The following LHX8 variants were observed in gnomAD, a reference collection of about 807,000 sequenced individuals.
LHX8 encodes the protein LIM/homeobox protein Lhx8.
A neutral mutation model predicts 40.3 loss-of-function variants in LHX8; 12 were observed. The observed-to-expected ratio is 0.30, with a 90% CI of 0.19 to 0.48. The LOEUF (loss-of-function observed/expected upper bound fraction) is 0.48. Among genes scored for constraint, LHX8 ranks in the 20% least tolerant of loss-of-function variants. LHX8 has a pLI of 0.99. For synonymous variants in LHX8, 179 were observed against 162.0 expected (o/e 1.10, Z -0.80); for missense variants, 344 against 433.7 (o/e 0.79, Z 1.84).
At chr1:75,176,358 A>G in the LHX8 span, among the ~76,000 whole-genome samples, 1 of 152,060 alleles carries the variant, frequency 6.6e-6, no homozygotes, top group Non-Finnish European at 1.5e-5. Context: ...TTTAATGATC[A>G]CTATTCTAAT....
At chr1:75,174,314 G>A in the LHX8 span, among the ~76,000 whole-genome samples, 3 of 152,234 alleles carry the variant, frequency 2.0e-5, no homozygotes, top group Non-Finnish European at 4.4e-5. Flanking sequence ...GGGCTTTGGT[G>A]ATATTAGGCC....
chr1:75,136,786 TG>T, intron 2 of LHX8, 97 bp downstream of exon 2: 1 of 628,794 alleles, frequency 1.6e-6, no homozygotes, highest in South Asian at 1.6e-5. Flanking sequence ...AGGGCCCAGC[TG>T]GCCCCTCCTG....
At chr1:75,199,412 T>C in the LHX8 span, among the ~76,000 whole-genome samples, 1 of 152,204 alleles carries the variant, frequency 6.6e-6, no homozygotes, top group African/African-American at 2.4e-5. Context: ...CCACGTTAAT[T>C]TGTAAGTACA....
At chr1:75,131,450 C>A (rs910560779), upstream of LHX8, 17 of 153,440 alleles carry the variant, frequency 1.1e-4, no homozygotes, top group African/African-American at 4.1e-4. Context: ...TCTGTCAATG[C>A]AGGCTTAATT....
At chr1:75,157,422 G>A (rs1400323392) in intron 8 of LHX8, among the ~76,000 whole-genome samples, 1 of 152,128 alleles carries the variant, frequency 6.6e-6, no homozygotes, top group African/African-American at 2.4e-5. Flanking sequence ...TTAGATGGGA[G>A]TTTAATAAGT....
At chr1:75,140,667 C>T (rs1648287991) in intron 3 of LHX8, among the ~76,000 whole-genome samples, 1 of 152,056 alleles carries the variant, frequency 6.6e-6, no homozygotes, top group Non-Finnish European at 1.5e-5. Context: ...AGTAACCAAA[C>T]TATTCCCTGT....
downstream of LHX8, among the ~76,000 whole-genome samples, chr1:75,163,892 T>C (rs1648979803): frequency 6.6e-6 from 1 of 152,194 alleles, no homozygotes; most frequent in Non-Finnish European, 1.5e-5. Context: ...CTAAGGGGCT[T>C]GTTTGCCCCT....
At chr1:75,175,609 G>A in the LHX8 span, among the ~76,000 whole-genome samples, 1 of 152,062 alleles carries the variant, frequency 6.6e-6, no homozygotes, top group Non-Finnish European at 1.5e-5. Flanking sequence ...TTCTGCTTTT[G>A]AGAATTGTAT....
the LHX8 span, among the ~76,000 whole-genome samples, chr1:75,192,762 G>A: frequency 1.3e-5 from 2 of 151,562 alleles, no homozygotes; most frequent in Non-Finnish European, 2.9e-5. Context: ...GTGTGATCTC[G>A]GCTCACTGCA....
the LHX8 span, among the ~76,000 whole-genome samples, chr1:75,176,124 A>G: frequency 4.6e-5 from 7 of 152,238 alleles, no homozygotes; most frequent in African/African-American, 1.7e-4. Context: ...TAGTGCCACA[A>G]TAAACATACA....
chr1:75,173,710 A>G, the LHX8 span, among the ~76,000 whole-genome samples: 1 of 152,186 alleles, frequency 6.6e-6, no homozygotes, highest in Admixed American at 6.5e-5. Context: ...TCATTATGCT[A>G]TCCTATCTCC....
the LHX8 span, among the ~76,000 whole-genome samples, chr1:75,175,504 C>A: frequency 6.6e-6 from 1 of 152,130 alleles, no homozygotes; most frequent in East Asian, 1.9e-4. Context: ...ACCATTTTTG[C>A]AGGAGTAAGA....
intron 3 of LHX8, among the ~76,000 whole-genome samples, chr1:75,139,928 A>G (rs1277360281): frequency 5.9e-5 from 9 of 152,142 alleles, no homozygotes; most frequent in Non-Finnish European, 1.3e-4. Flanking sequence ...TTACTTTCCT[A>G]TTTTAGTCAT....
chr1:75,158,206 T>C (rs1372810502), intron 8 of LHX8, among the ~76,000 whole-genome samples: 2 of 152,254 alleles, frequency 1.3e-5, no homozygotes, highest in Non-Finnish European at 2.9e-5. Flanking sequence ...TACAAGTCTT[T>C]TTGTCTTTTG....
the LHX8 span, among the ~76,000 whole-genome samples, chr1:75,193,822 C>G: frequency 6.6e-6 from 1 of 152,128 alleles, no homozygotes; most frequent in Non-Finnish European, 1.5e-5. Context: ...TTGTGTTACT[C>G]AAAATTTTAT....
At chr1:75,149,838 A>G (rs1282491848) in intron 7 of LHX8, among the ~76,000 whole-genome samples, 1 of 152,174 alleles carries the variant, frequency 6.6e-6, no homozygotes, top group East Asian at 1.9e-4. Context: ...ATGAGCCACC[A>G]TGCCCAGCTG....
chr1:75,135,372 C>T (rs549822105), intron 1 of LHX8, among the ~76,000 whole-genome samples: 1 of 152,224 alleles, frequency 6.6e-6, no homozygotes. Flanking sequence ...GCTCCGAAGC[C>T]GGTTGGGGAC....
chr1:75,195,361 C>G, the LHX8 span, among the ~76,000 whole-genome samples: 1 of 152,042 alleles, frequency 6.6e-6, no homozygotes, highest in Admixed American at 6.6e-5. Flanking sequence ...ACCTGGTGGC[C>G]AACAGCAAGG....
At chr1:75,198,161 TA>T in the LHX8 span, among the ~76,000 whole-genome samples, 1 of 152,044 alleles carries the variant, frequency 6.6e-6, no homozygotes, top group Admixed American at 6.6e-5. Context: ...CAAGCTATGT[TA>T]AAAAAGTCTC....
Sources: allele counts gnomAD v4.1 joint callset (sites outside exome capture counted in the v4.1 genomes callset), GRCh38; gene constraint gnomAD v4.1.1; transcripts MANE v1.5; gene names NCBI Gene and HGNC (gene_info 2026-07-23, HGNC 2026-07-21).